KSR2: variants seen among roughly 807,000 people sequenced by gnomAD.
KSR2 encodes the protein kinase suppressor of ras 2.
A neutral mutation model predicts 107.8 loss-of-function variants in KSR2; 25 were observed. That is an observed-to-expected ratio of 0.23 (90% CI 0.17 to 0.32). KSR2 has a LOEUF of 0.32. KSR2 is among the 10% of genes least tolerant of loss of function. The pLI is 1.00. For missense variants in KSR2, 887 were observed against 1,268.9 expected, an observed-to-expected ratio of 0.70 and a Z score of 4.57; for synonymous variants, 480 against 507.0, an observed-to-expected ratio of 0.95 and a Z score of 0.71.
intron 14 of KSR2, among the ~76,000 whole-genome samples, chr12:117,506,910 T>A (rs1391492712): frequency 1.3e-5 from 2 of 152,114 alleles, no homozygotes; most frequent in African/African-American, 2.4e-5. Flanking sequence ...CCAACCCAGA[T>A]TCACTGAATC....
At chr12:117,822,634 T>C (rs1268677110) in intron 3 of KSR2, among the ~76,000 whole-genome samples, 4 of 152,208 alleles carry the variant, frequency 2.6e-5, no homozygotes, top group Non-Finnish European at 5.9e-5. Context: ...GTTATGAATA[T>C]ATGTATTCCT....
At chr12:117,707,751 C>G (rs1406323251) in intron 4 of KSR2, among the ~76,000 whole-genome samples, 1 of 152,170 alleles carries the variant, frequency 6.6e-6, no homozygotes, top group Non-Finnish European at 1.5e-5. Flanking sequence ...TCTAGACTAG[C>G]CTCACAGTAA....
At chr12:117,558,476 C>A in intron 8 of KSR2, 30 bp downstream of exon 8, 1 of 1,603,612 alleles carries the variant, frequency 6.2e-7, no homozygotes, top group Non-Finnish European at 8.5e-7. Flanking sequence ...CTCACCCCTG[C>A]CCCTAGGGCA....
At chr12:117,616,677 T>C (rs529199848) in intron 5 of KSR2, among the ~76,000 whole-genome samples, 1 of 152,322 alleles carries the variant, frequency 6.6e-6, no homozygotes, top group East Asian at 1.9e-4. Flanking sequence ...ATGAGGTCTT[T>C]ACTGAGACTG....
At chr12:117,612,201 C>G (rs569757040) in intron 5 of KSR2, among the ~76,000 whole-genome samples, 1 of 152,200 alleles carries the variant, frequency 6.6e-6, no homozygotes, top group Non-Finnish European at 1.5e-5. Context: ...GTCAGGAGAT[C>G]AAGACCATCC....
intron 3 of KSR2, among the ~76,000 whole-genome samples, chr12:117,844,942 C>G (rs976138621): frequency 6.6e-6 from 1 of 152,102 alleles, no homozygotes. Context: ...GTCAGGAGAT[C>G]GAGACCATCC....
At chr12:117,682,800 C>T (rs897885172) in intron 4 of KSR2, among the ~76,000 whole-genome samples, 5 of 152,124 alleles carry the variant, frequency 3.3e-5, no homozygotes, top group South Asian at 4.2e-4. Flanking sequence ...GGAACAAGAA[C>T]GGCAGCAAGA....
intron 7 of KSR2, among the ~76,000 whole-genome samples, chr12:117,561,126 T>C (rs1878089683): frequency 6.6e-6 from 1 of 152,136 alleles, no homozygotes; most frequent in African/African-American, 2.4e-5. Flanking sequence ...AAAAAGGCCA[T>C]AAATAGAAAA....
At chr12:117,675,291 A>T (rs1446865801) in intron 4 of KSR2, among the ~76,000 whole-genome samples, 1 of 152,116 alleles carries the variant, frequency 6.6e-6, no homozygotes, top group Non-Finnish European at 1.5e-5. Context: ...TGCTCACCCT[A>T]GCCCATGTAT....
chr12:117,475,871 T>C (rs1871744712), intron 17 of KSR2, among the ~76,000 whole-genome samples: 1 of 152,176 alleles, frequency 6.6e-6, no homozygotes, highest in Non-Finnish European at 1.5e-5. Context: ...TGTTGTGAAG[T>C]CATTCAAGTA....
intron 18 of KSR2, among the ~76,000 whole-genome samples, chr12:117,470,285 C>A (rs1592902500): frequency 6.6e-6 from 1 of 151,462 alleles, no homozygotes; most frequent in Non-Finnish European, 1.5e-5. Flanking sequence ...ATCCTTCATC[C>A]ATCCATCCAC....
At chr12:117,521,817 G>A (rs1337549231) in intron 14 of KSR2, among the ~76,000 whole-genome samples, 2 of 152,186 alleles carry the variant, frequency 1.3e-5, no homozygotes, top group Non-Finnish European at 2.9e-5. Flanking sequence ...AGCCAATCGT[G>A]CGAATGCAAG....
At chr12:117,690,816 G>A (rs1033588235) in intron 4 of KSR2, among the ~76,000 whole-genome samples, 9 of 152,174 alleles carry the variant, frequency 5.9e-5, no homozygotes, top group Non-Finnish European at 1.0e-4. Flanking sequence ...CACATCAAAA[G>A]TGGCTCACAC....
Position 117,855,466 on chromosome 12 carries a change from T to C in KSR2, c.434A>G (p.Asn145Ser), listed in dbSNP as rs1893070178. 1 of 1,613,972 alleles carries C rather than the reference T, an allele frequency of 6.2e-7. No homozygotes were observed. Among genetic ancestry groups the C allele is most frequent in the Non-Finnish European group, 8.5e-7 (1 of 1,179,882 alleles). ...GANREECARLNASLSCLRNVH... is the reference protein window; with the variant it reads ...GANREECARLSASLSCLRNVH... ...ATTCCTGAGGCAGGAGAGGGAGGCG[T>C]TGAGGCGGGCACACTCCTCCCGGTT... is the stretch of plus-strand genomic sequence containing the variant. The change falls in exon 3 of 20, where the codon AAC becomes AGC. Residue 145 changes from asparagine to serine, a missense_variant. Coordinates refer to ENST00000339824, the MANE Select transcript of KSR2 (RefSeq NM_173598.6).
At chr12:117,913,555 T>A (rs556216263) in intron 1 of KSR2, among the ~76,000 whole-genome samples, 3 of 152,164 alleles carry the variant, frequency 2.0e-5, no homozygotes, top group East Asian at 3.9e-4. Context: ...AATGAAGGCA[T>A]CCTTGTAAGA....
chr12:117,823,018 C>T (rs57803421), intron 3 of KSR2, among the ~76,000 whole-genome samples: 15 of 151,918 alleles, frequency 9.9e-5, no homozygotes, highest in African/African-American at 2.2e-4. Flanking sequence ...AGAATATGAA[C>T]GTCCAATCAG....
intron 4 of KSR2, among the ~76,000 whole-genome samples, chr12:117,696,981 G>A (rs1299160710): frequency 6.6e-6 from 1 of 152,092 alleles, no homozygotes; most frequent in Non-Finnish European, 1.5e-5. Context: ...GCACTGGGGT[G>A]GACAGATGAG....
chr12:117,958,559 G>A (rs1402687413), intron 1 of KSR2, among the ~76,000 whole-genome samples: 3 of 152,258 alleles, frequency 2.0e-5, no homozygotes, highest in South Asian at 2.1e-4. Flanking sequence ...GGTGGCTCAG[G>A]TCTGTAATCC....
At chr12:117,856,210 T>C (rs1429744120) in intron 2 of KSR2, among the ~76,000 whole-genome samples, 1 of 152,188 alleles carries the variant, frequency 6.6e-6, no homozygotes, top group Non-Finnish European at 1.5e-5. Context: ...CACTGGAGTA[T>C]AGCGTGGAGT....
Sources: allele counts gnomAD v4.1 joint callset (sites outside exome capture counted in the v4.1 genomes callset), GRCh38; gene constraint gnomAD v4.1.1; transcripts MANE v1.5; gene names NCBI Gene and HGNC (gene_info 2026-07-23, HGNC 2026-07-21).